Variants in P3H2 observed in about 807,000 individuals in gnomAD.
P3H2 encodes leprecan-like 1.
P3H2 carries 80 observed loss-of-function variants against 87.0 expected under a neutral mutation model. The observed-to-expected ratio is 0.92, with a 90% CI of 0.77 to 1.11. P3H2 has a LOEUF of 1.11. Ranked by LOEUF, P3H2 falls within the 50% of genes least tolerant of loss-of-function variation. P3H2 has a pLI of 0.00. For missense variants in P3H2, 1,001 were observed against 923.9 expected, an observed-to-expected ratio of 1.08 and a Z score of -1.08; for synonymous variants, 367 against 359.3, an observed-to-expected ratio of 1.02 and a Z score of -0.24.
chr3:190,067,379 G>C (rs887523768), intron 1 of P3H2, among the ~76,000 whole-genome samples: 2 of 152,130 alleles, frequency 1.3e-5, no homozygotes, highest in Admixed American at 6.6e-5. Context: ...TTCTTCCACA[G>C]AAGCAAAGAG....
chr3:190,019,653 A>T (rs1724874337), intron 1 of P3H2, among the ~76,000 whole-genome samples: 1 of 83,164 alleles, frequency 1.2e-5, no homozygotes, highest in Non-Finnish European at 2.9e-5. Context: ...TCAGCAAGCC[A>T]CTCCATTGCC....
intron 1 of P3H2, among the ~76,000 whole-genome samples, chr3:190,000,024 G>GA (rs1724161557): frequency 6.6e-6 from 1 of 152,184 alleles, no homozygotes; most frequent in Non-Finnish European, 1.5e-5. Context: ...CTCTGACACA[G>GA]AAAGAGTTTT....
At chr3:190,027,221 T>C (rs906971898) in intron 1 of P3H2, among the ~76,000 whole-genome samples, 12 of 152,222 alleles carry the variant, frequency 7.9e-5, no homozygotes, top group South Asian at 4.1e-4. Context: ...TAAACTATGA[T>C]ACCTAACTAA....
chr3:190,043,019 G>C lies in P3H2; in HGVS notation c.481-47577C>G, dbSNP rs558191870. On this transcript the variant is annotated intron_variant, in intron 1 of 14. Coordinates refer to ENST00000319332, the MANE Select transcript of P3H2 (RefSeq NM_018192.4). Reference sequence around the variant, plus strand: ...TAAACTAATTTCCAGTAGCAGAACAGAGTACCATACATGGCCTATTAGCAA... The same window carrying C: ...TAAACTAATTTCCAGTAGCAGAACACAGTACCATACATGGCCTATTAGCAA... Among the ~76,000 whole-genome samples the C allele has an allele frequency of 5.9e-5, 9 of 152,262 alleles. No individual in the cohort carries two copies. In the South Asian group the frequency reaches 1.9e-3, roughly 32 times the overall value.
rs114227566 is a variant in P3H2, at chr3:190,064,763, T to C, written c.480+55489A>G. On this transcript the variant is annotated intron_variant, in intron 1 of 14. Transcript: ENST00000319332. The stretch of plus-strand genomic sequence containing the variant: ...GAGTCATACCGTATAGTTTTGAAAA[T>C]CCCTCCTAAATTAACATGCTGTCTT... 2.6e-3 allele frequency among the ~76,000 whole-genome samples: 401 copies of C among 152,158 alleles called. 4 individuals carry two copies. The highest frequency in any genetic ancestry group is 9.0e-3 in the African/African-American group (375 of 41,518).
chr3:190,004,160 A>G (rs569793194), intron 1 of P3H2, among the ~76,000 whole-genome samples: 1 of 152,304 alleles, frequency 6.6e-6, no homozygotes, highest in African/African-American at 2.4e-5. Flanking sequence ...GCCAATAATA[A>G]AAATTGCATT....
intron 1 of P3H2, among the ~76,000 whole-genome samples, chr3:190,107,837 C>T (rs1483838332): frequency 6.6e-6 from 1 of 152,226 alleles, no homozygotes; most frequent in African/African-American, 2.4e-5. Context: ...TATGATTAGT[C>T]AAATTTATTC....
chr3:190,008,759 T>G (rs929909275), intron 1 of P3H2, among the ~76,000 whole-genome samples: 2 of 152,112 alleles, frequency 1.3e-5, no homozygotes, highest in African/African-American at 4.8e-5. Context: ...ACTTCATCTT[T>G]CCATTCCACC....
intron 1 of P3H2, among the ~76,000 whole-genome samples, chr3:190,105,831 C>A (rs1392890677): frequency 6.6e-6 from 1 of 152,160 alleles, no homozygotes; most frequent in Non-Finnish European, 1.5e-5. Flanking sequence ...CAAATGCAAA[C>A]CCCAAGGACT....
At chr3:189,969,214 AC>A in intron 13 of P3H2, 1 of 732,284 alleles carries the variant, frequency 1.4e-6, no homozygotes, top group Non-Finnish European at 2.6e-6. Flanking sequence ...ATAATCTGTC[AC>A]CATGGCAATA....
chr3:189,963,888 A>T, intron 14 of P3H2, 70 bp downstream of exon 14: 1 of 1,532,966 alleles, frequency 6.5e-7, no homozygotes, highest in Non-Finnish European at 9.0e-7. Context: ...GAAGCAATTT[A>T]AAGGACTTCT....
chr3:190,098,078 T>A (rs970998257), intron 1 of P3H2, among the ~76,000 whole-genome samples: 1 of 152,232 alleles, frequency 6.6e-6, no homozygotes, highest in Non-Finnish European at 1.5e-5. Context: ...AGTAATTTTT[T>A]AAAAATGAAA....
chr3:190,064,598 A>G (rs1297649377), intron 1 of P3H2, among the ~76,000 whole-genome samples: 2 of 152,152 alleles, frequency 1.3e-5, no homozygotes, highest in Non-Finnish European at 2.9e-5. Flanking sequence ...TATTGAGACA[A>G]TGGTATGCCA....
In P3H2 at chr3:190,046,093, C is replaced by A. The variant is rs374339982; in HGVS notation, c.481-50651G>T. On this transcript the variant is annotated intron_variant, in intron 1 of 14. Coordinates refer to ENST00000319332, the MANE Select transcript of P3H2 (RefSeq NM_018192.4). ...AGCTGAGATCGCACCACTGCACTCC[C>A]GCCTGGGCGACAGAGCAAGACTCCA... 2.0e-4 allele frequency among the ~76,000 whole-genome samples: 30 copies of A among 151,050 alleles called. No homozygotes were observed. In the South Asian group the frequency reaches 2.3e-3, roughly 12 times the overall value.
At chr3:190,014,928 C>T (rs538403120) in intron 1 of P3H2, among the ~76,000 whole-genome samples, 2 of 152,226 alleles carry the variant, frequency 1.3e-5, no homozygotes, top group Admixed American at 6.5e-5. Context: ...GGCAACCTGT[C>T]GAGTGACCTT....
In P3H2 at chr3:190,066,798, CTG is replaced by C. The variant is rs1200358517; in HGVS notation, c.480+53452_480+53453del. ...CAGACTCCAAGCCAGAGCTCTAGCC[CTG>C]TCTATTCATGGCTCCCTGAAAAAGT... On this transcript the variant is annotated intron_variant, in intron 1 of 14. Transcript: ENST00000319332. Among the ~76,000 whole-genome samples the C allele has an allele frequency of 4.6e-5, 7 of 152,188 alleles. No individual in the cohort carries two copies. The South Asian group carries it at 8.3e-4, about 18-fold the overall frequency.
rs2108899035 is a variant in P3H2, at chr3:189,957,595, G to GGATC, written c.*313_*316dup. Reference sequence around the variant, plus strand: ...GTCCCAGCTCCCCGGGAGGCTTGAAGGATCGCCTGAGCCTAAGAGTTTGAG... The same window carrying GGATC: ...GTCCCAGCTCCCCGGGAGGCTTGAAGGATCGATCGCCTGAGCCTAAGAGTTTGAG... On this transcript the variant is annotated 3_prime_UTR_variant, in exon 15 of 15. Transcript: ENST00000319332. 2.4e-6 allele frequency: 1 copy of GGATC among 424,158 alleles called. No individual in the cohort carries two copies. Among genetic ancestry groups the GGATC allele is most frequent in the East Asian group, 4.7e-5 (1 of 21,376 alleles). The allele number at this position is 424,158 out of a possible 1,614,324, so 26.3% of individuals were successfully genotyped here.
intron 1 of P3H2, among the ~76,000 whole-genome samples, chr3:190,015,047 C>T (rs1023875305): frequency 2.0e-5 from 3 of 152,166 alleles, no homozygotes; most frequent in Non-Finnish European, 4.4e-5. Context: ...GACAGAGTCT[C>T]ACTCTGACAC....
chr3:190,066,836 C>T (rs1726525153), intron 1 of P3H2, among the ~76,000 whole-genome samples: 1 of 152,030 alleles, frequency 6.6e-6, no homozygotes, highest in African/African-American at 2.4e-5. Context: ...CAGACAGCCC[C>T]TCATCTGTGC....
Sources: allele counts gnomAD v4.1 joint callset (sites outside exome capture counted in the v4.1 genomes callset), GRCh38; gene constraint gnomAD v4.1.1; transcripts MANE v1.5; gene names NCBI Gene and HGNC (gene_info 2026-07-23, HGNC 2026-07-21).